Variants in BCAS3 observed in about 807,000 individuals in gnomAD.
The protein encoded by BCAS3 is BCAS3 microtubule associated cell migration factor.
In BCAS3, 53 loss-of-function variants were observed where a neutral mutation model predicts 116.1. That is an observed-to-expected ratio of 0.46 (90% CI 0.37 to 0.57). BCAS3 has a LOEUF of 0.57. Among genes scored for constraint, BCAS3 ranks in the 20% least tolerant of loss-of-function variants. BCAS3 has a pLI of 0.00. For synonymous variants in BCAS3, 391 were observed against 408.2 expected (o/e 0.96, Z 0.51); for missense variants, 917 against 1,165.4 (o/e 0.79, Z 3.10).
At chr17:61,384,457 A>G (rs1040707191) in intron 23 of BCAS3, 1 of 152,282 alleles carries the variant, frequency 6.6e-6, no homozygotes, top group African/African-American at 2.4e-5. Flanking sequence ...CCTGTGCCAC[A>G]GATGCTGACG....
chr17:60,912,523 G>T (rs2058569436), intron 12 of BCAS3, among the ~76,000 whole-genome samples: 1 of 152,012 alleles, frequency 6.6e-6, no homozygotes, highest in Non-Finnish European at 1.5e-5. Context: ...TTTGGCTCTT[G>T]TATTTTACTT....
intron 19 of BCAS3, among the ~76,000 whole-genome samples, chr17:61,064,816 G>A (rs190703892): frequency 2.6e-5 from 4 of 152,186 alleles, no homozygotes; most frequent in African/African-American, 9.6e-5. Context: ...ACAGGGTCAG[G>A]GCACAAGGAA....
rs558902054 is a variant in BCAS3, at chr17:61,341,666, A to G, written c.2426-26661A>G. Reference sequence around the variant, plus strand: ...CACAGAACCCCTAAAATCACACTCGATTGACAGTTGCAACTGAAAAGCACA... The same window carrying G: ...CACAGAACCCCTAAAATCACACTCGGTTGACAGTTGCAACTGAAAAGCACA... On this transcript the variant is annotated intron_variant, in intron 22 of 23. Coordinates refer to ENST00000407086, the MANE Select transcript of BCAS3 (RefSeq NM_017679.5). 2.6e-5 allele frequency among the ~76,000 whole-genome samples: 4 copies of G among 152,284 alleles called. No homozygotes were observed. The South Asian group carries it at 8.3e-4, about 32-fold the overall frequency.
rs1382345002 is a variant in BCAS3 at position 61,332,588 on chromosome 17, A to C, written c.2426-35739A>C. Among the ~76,000 whole-genome samples, 1 of 152,156 alleles carries C rather than the reference A, an allele frequency of 6.6e-6. No homozygotes were observed. Among genetic ancestry groups the C allele is most frequent in the Admixed American group, 6.5e-5 (1 of 15,278 alleles). ...TAATCTCTATACTACCCTGTGACAT[A>C]GGAATTATTATCCCCATCTTTTATT... On this transcript the variant is annotated intron_variant, in intron 22 of 23. Transcript: ENST00000407086. This position sits in a 1 kb window ranked among gnomAD's most constrained non-coding sequence, Gnocchi z 5.4.
chr17:61,005,239 G>C lies in BCAS3; in HGVS notation c.1487-10512G>C, dbSNP rs151196880. ...GGAAAAGTAAATTTAGAAGAGAAGG[G>C]CTTGAACTATTAGTATTCGTGTGGT... is the stretch of plus-strand genomic sequence containing the variant. On this transcript the variant is annotated intron_variant, in intron 15 of 23. Transcript: ENST00000407086. Among the ~76,000 whole-genome samples the C allele has an allele frequency of 1.9e-3, 290 of 152,090 alleles. 3 individuals carry two copies. The highest frequency in any genetic ancestry group is 6.7e-3 in the African/African-American group (280 of 41,524).
chr17:60,796,668 C>A (rs1598775664), intron 6 of BCAS3, among the ~76,000 whole-genome samples: 1 of 152,008 alleles, frequency 6.6e-6, no homozygotes, highest in East Asian at 1.9e-4. Context: ...TTCTAAGAAC[C>A]AGCTTTTTGT....
At chr17:61,305,018 A>G (rs555441794) in intron 22 of BCAS3, among the ~76,000 whole-genome samples, 3 of 152,110 alleles carry the variant, frequency 2.0e-5, no homozygotes, top group South Asian at 2.1e-4. Context: ...CGGCCTCCCA[A>G]TGTGCTGGGA....
In BCAS3 at chr17:61,251,158, G is replaced by A. The variant is rs2048340314; in HGVS notation, c.2426-117169G>A. Reference sequence around the variant, plus strand: ...TGGGCAGTGCTTGCCCAGCTGGAAGGTGAGACATTGGAGGCCTCAGCCTGG... The same window carrying A: ...TGGGCAGTGCTTGCCCAGCTGGAAGATGAGACATTGGAGGCCTCAGCCTGG... On this transcript the variant is annotated intron_variant, in intron 22 of 23. Coordinates refer to ENST00000407086, the MANE Select transcript of BCAS3 (RefSeq NM_017679.5). This position sits in a 1 kb window ranked among gnomAD's most constrained non-coding sequence, Gnocchi z 4.7. 6.6e-6 allele frequency among the ~76,000 whole-genome samples: 1 copy of A among 152,232 alleles called. No homozygotes were observed. Among genetic ancestry groups the A allele is most frequent in the Non-Finnish European group, 1.5e-5 (1 of 68,040 alleles).
intron 22 of BCAS3, among the ~76,000 whole-genome samples, chr17:61,267,845 G>C (rs2049882096): frequency 1.3e-5 from 2 of 152,056 alleles, no homozygotes; most frequent in Non-Finnish European, 2.9e-5. Context: ...CATGACCGTA[G>C]GGGAAGACTC....
At position 60,689,535 on chromosome 17, in the gene BCAS3, G is replaced by T. The variant is rs531518679; in HGVS notation, c.139-151G>T. The stretch of plus-strand genomic sequence containing the variant: ...GACTCATGGATAATATTCTTTGGGG[G>T]TAATAATGTTCTAAAATATTCTAGT... On this transcript the variant is annotated intron_variant, in intron 3 of 23. Transcript: ENST00000407086. 9.0e-5 allele frequency: 44 copies of T among 488,434 alleles called. No individual in the cohort carries two copies. The East Asian group carries it at 1.4e-3, about 16-fold the overall frequency. 30.3% of individuals were successfully genotyped at this position (488,434 alleles called of 1,614,324 possible).
At chr17:60,969,419 C>T (rs144304567) in intron 14 of BCAS3, among the ~76,000 whole-genome samples, 141 of 152,028 alleles carry the variant, frequency 9.3e-4, no homozygotes, top group African/African-American at 3.2e-3. Context: ...AATACAATAT[C>T]AAAAATAAAA....
rs997545952 is a variant in BCAS3 at position 61,241,942 on chromosome 17, A to G, written c.2426-126385A>G. On this transcript the variant is annotated intron_variant, in intron 22 of 23. Transcript: ENST00000407086. The surrounding 1 kb of genome is among the most constrained non-coding windows in gnomAD (Gnocchi z 4.6). The stretch of plus-strand genomic sequence containing the variant: ...GAGGAATCATTTCTCAGTGTTAAGT[A>G]TATCTGGGACCAGAAATGGCTCTTG... Among the ~76,000 whole-genome samples, 3 of 152,172 alleles carry G rather than the reference A, an allele frequency of 2.0e-5. No homozygotes were observed. The East Asian group carries it at 5.8e-4, about 29-fold the overall frequency.
At position 61,140,887 on chromosome 17, in the gene BCAS3, G is replaced by A. The variant is rs2076881439; in HGVS notation, c.2425+56323G>A. 3.3e-5 allele frequency among the ~76,000 whole-genome samples: 5 copies of A among 152,034 alleles called. No homozygotes were observed. The South Asian group carries it at 1.0e-3, about 32-fold the overall frequency. On this transcript the variant is annotated intron_variant, in intron 22 of 23. Transcript: ENST00000407086. The surrounding 1 kb of genome is among the most constrained non-coding windows in gnomAD (Gnocchi z 4.2). ...TCTTGTACTAATCTGCAAGTATCCT[G>A]AAAAATGTTAAGTAAGGAAAAAGCA...
At chr17:60,768,597 C>G (rs181991666) in intron 6 of BCAS3, among the ~76,000 whole-genome samples, 1 of 152,094 alleles carries the variant, frequency 6.6e-6, no homozygotes, top group African/African-American at 2.4e-5. Context: ...GTAAACTCCC[C>G]TTTTTTATAT....
intron 22 of BCAS3, among the ~76,000 whole-genome samples, chr17:61,272,695 A>G (rs1206741155): frequency 6.8e-6 from 1 of 147,464 alleles, no homozygotes; most frequent in Non-Finnish European, 1.5e-5. Flanking sequence ...TCCTCATTCT[A>G]AGTAAAAATT....
At chr17:61,269,363 C>T (rs2050038384) in intron 22 of BCAS3, among the ~76,000 whole-genome samples, 1 of 152,112 alleles carries the variant, frequency 6.6e-6, no homozygotes, top group African/African-American at 2.4e-5. Flanking sequence ...AATCCACCTG[C>T]CTCGACTTCC....
intron 14 of BCAS3, among the ~76,000 whole-genome samples, chr17:60,954,013 C>T (rs574744074): frequency 9.9e-5 from 15 of 152,192 alleles, no homozygotes; most frequent in Admixed American, 5.9e-4. Context: ...GGATTACAGG[C>T]GTGAGCCACT....
chr17:60,845,965 G>A (rs2052491760), intron 7 of BCAS3, among the ~76,000 whole-genome samples: 1 of 150,332 alleles, frequency 6.7e-6, no homozygotes, highest in Non-Finnish European at 1.5e-5. Context: ...GTCTCACTCT[G>A]TCACTCAGGC....
intron 22 of BCAS3, among the ~76,000 whole-genome samples, chr17:61,335,221 C>T (rs1197745276): frequency 3.3e-5 from 5 of 152,226 alleles, no homozygotes; most frequent in African/African-American, 7.2e-5. Context: ...GTGCTCTGTA[C>T]GTTCACAGCA....
Sources: allele counts gnomAD v4.1 joint callset (sites outside exome capture counted in the v4.1 genomes callset), GRCh38; gene constraint gnomAD v4.1.1; non-coding constraint Gnocchi (gnomAD v3.1); transcripts MANE v1.5; gene names NCBI Gene and HGNC (gene_info 2026-07-23, HGNC 2026-07-21).